The following CDH13 variants were observed in gnomAD, a reference collection of about 807,000 sequenced individuals.
CDH13 encodes the protein cadherin-13.
CDH13 carries 24 observed loss-of-function variants against 63.8 expected under a neutral mutation model. The observed-to-expected ratio is 0.38, with a 90% CI of 0.27 to 0.53. CDH13 has a LOEUF of 0.53. Among genes scored for constraint, CDH13 ranks in the 20% least tolerant of loss-of-function variants. The pLI is 0.85. For synonymous variants in CDH13, 503 were observed against 355.3 expected (o/e 1.42, Z -4.67); for missense variants, 1,049 against 903.1 (o/e 1.16, Z -2.07).
intron 7 of CDH13, among the ~76,000 whole-genome samples, chr16:83,581,348 C>A (rs949152770): frequency 2.6e-5 from 4 of 152,216 alleles, no homozygotes; most frequent in African/African-American, 4.8e-5. Context: ...CCAAGGGTGA[C>A]TTTCAGTGGT....
At chr16:83,106,625 T>C (rs1477293641) in intron 3 of CDH13, among the ~76,000 whole-genome samples, 9 of 152,204 alleles carry the variant, frequency 5.9e-5, no homozygotes, top group Admixed American at 5.9e-4. Context: ...ATCCACAAGA[T>C]GTATTGTGCC....
intron 1 of CDH13, among the ~76,000 whole-genome samples, chr16:82,717,824 G>C (rs1397830413): frequency 1.3e-5 from 2 of 152,046 alleles, no homozygotes; most frequent in African/African-American, 4.8e-5. Context: ...GTACCTTTGG[G>C]GATCATTATT....
At chr16:83,470,541 C>T (rs2073427567) in intron 6 of CDH13, among the ~76,000 whole-genome samples, 5 of 152,150 alleles carry the variant, frequency 3.3e-5, no homozygotes. Flanking sequence ...CATAACATTC[C>T]AGCAGTGCTC....
intron 11 of CDH13, among the ~76,000 whole-genome samples, chr16:83,759,195 C>G (rs1301452864): frequency 6.6e-6 from 1 of 152,138 alleles, no homozygotes. Flanking sequence ...AAGATGGGAA[C>G]AAGCTGACCA....
intron 4 of CDH13, among the ~76,000 whole-genome samples, chr16:83,216,595 AATAC>A (rs2039539575): frequency 7.0e-6 from 1 of 143,680 alleles, no homozygotes; most frequent in Non-Finnish European, 1.5e-5. Flanking sequence ...ATTAATATAT[AATAC>A]ATAGGGGTTT....
chr16:82,639,968 T>G (rs1258939916), intron 1 of CDH13, among the ~76,000 whole-genome samples: 1 of 152,240 alleles, frequency 6.6e-6, no homozygotes, highest in East Asian at 1.9e-4. Context: ...AACAAATATT[T>G]ACTGGGGGAA....
At position 83,080,871 on chromosome 16, in the gene CDH13, G is replaced by GTTTTTTTTTTTTTTTTTTTTTTTTTT. The variant is rs71148809; in HGVS notation, c.367-44512_367-44487dup. 8.7e-4 allele frequency among the ~76,000 whole-genome samples: 41 copies of GTTTTTTTTTTTTTTTTTTTTTTTTTT among 46,956 alleles called. 9 individuals are homozygous for GTTTTTTTTTTTTTTTTTTTTTTTTTT. Among genetic ancestry groups the GTTTTTTTTTTTTTTTTTTTTTTTTTT allele is most frequent in the East Asian group, 1.9e-3 (2 of 1,054 alleles). The allele number at this position is 46,956 out of a possible 152,430, so 30.8% of individuals were successfully genotyped here. A position where few individuals can be genotyped will look rare whatever the true frequency, so the allele number is the denominator to read the frequency against. On this transcript the variant is annotated intron_variant, in intron 3 of 13. Coordinates refer to ENST00000567109, the MANE Select transcript of CDH13 (RefSeq NM_001257.5). ...AGATAGAGTTTTGTTTTGTTTTTGT[G>GTTTTTTTTTTTTTTTTTTTTTTTTTT]TTTTTTTTTTTTTTTTTTTTTTTTT...
chr16:82,693,196 G>T (rs1348537964), intron 1 of CDH13, among the ~76,000 whole-genome samples: 1 of 152,166 alleles, frequency 6.6e-6, no homozygotes, highest in African/African-American at 2.4e-5. Flanking sequence ...ATCCTTTGAA[G>T]CCTTTTGAAG....
intron 1 of CDH13, among the ~76,000 whole-genome samples, chr16:82,784,265 G>A (rs190681518): frequency 3.3e-5 from 5 of 152,166 alleles, no homozygotes; most frequent in African/African-American, 7.2e-5. Context: ...GACCTTAGAC[G>A]TTGACATCCC....
intron 2 of CDH13, among the ~76,000 whole-genome samples, chr16:83,021,370 T>C (rs1296729792): frequency 6.6e-6 from 1 of 152,208 alleles, no homozygotes; most frequent in Non-Finnish European, 1.5e-5. Context: ...ATGGGATAGA[T>C]GATGCATAGC....
At chr16:83,468,987 G>A (rs570385582) in intron 6 of CDH13, among the ~76,000 whole-genome samples, 2 of 152,272 alleles carry the variant, frequency 1.3e-5, no homozygotes, top group African/African-American at 4.8e-5. Flanking sequence ...AAAGCGAGTT[G>A]TATAGGCTGC....
At chr16:83,200,202 G>A (rs571793951) in intron 4 of CDH13, among the ~76,000 whole-genome samples, 31 of 152,290 alleles carry the variant, frequency 2.0e-4, no homozygotes, top group African/African-American at 6.0e-4. Flanking sequence ...GAGGGTGTGA[G>A]CCTGGGCGCT....
At chr16:83,085,173 A>C (rs114666452) in intron 3 of CDH13, among the ~76,000 whole-genome samples, 10,025 of 151,966 alleles carry the variant, frequency 0.066, 367 homozygotes, top group Non-Finnish European at 0.071. Context: ...CCCTAGAATC[A>C]TGACAGGGGG....
chr16:82,775,874 T>C (rs1422727653), intron 1 of CDH13, among the ~76,000 whole-genome samples: 2 of 152,112 alleles, frequency 1.3e-5, no homozygotes, highest in Admixed American at 6.5e-5. Context: ...CTGATGGCTC[T>C]TTTTTTGTGA....
At chr16:83,727,863 G>C (rs1369343038) in intron 10 of CDH13, among the ~76,000 whole-genome samples, 1 of 152,126 alleles carries the variant, frequency 6.6e-6, no homozygotes, top group African/African-American at 2.4e-5. Context: ...TTGGCGGGGA[G>C]GGCAGCCATT....
chr16:83,343,119 C>G (rs2090764110), intron 5 of CDH13, among the ~76,000 whole-genome samples: 1 of 151,926 alleles, frequency 6.6e-6, no homozygotes, highest in African/African-American at 2.4e-5. Flanking sequence ...CACCAGAAAT[C>G]AAGTATGTAT....
intron 3 of CDH13, among the ~76,000 whole-genome samples, chr16:83,068,134 C>T (rs774920930): frequency 2.6e-5 from 4 of 152,170 alleles, no homozygotes; most frequent in East Asian, 1.9e-4. Flanking sequence ...TTACCACAGT[C>T]GGATCTGCTG....
At chr16:83,296,816 G>A (rs1423327181) in intron 5 of CDH13, among the ~76,000 whole-genome samples, 6 of 152,190 alleles carry the variant, frequency 3.9e-5, no homozygotes, top group Admixed American at 3.9e-4. Context: ...ACGGGTTTAT[G>A]TAATGTACAT....
At chr16:83,124,028 G>T (rs1383323936) in intron 3 of CDH13, among the ~76,000 whole-genome samples, 12 of 152,006 alleles carry the variant, frequency 7.9e-5, no homozygotes, top group Non-Finnish European at 1.6e-4. Context: ...TGTTCATGTT[G>T]TTTGCCCCAC....
Sources: allele counts gnomAD v4.1 joint callset (sites outside exome capture counted in the v4.1 genomes callset), GRCh38; gene constraint gnomAD v4.1.1; transcripts MANE v1.5; gene names NCBI Gene and HGNC (gene_info 2026-07-23, HGNC 2026-07-21).